Variants in RBBP8 observed in about 807,000 individuals in gnomAD.
The protein encoded by RBBP8 is DNA endonuclease RBBP8.
Under a neutral mutation model 108.3 loss-of-function variants are expected in RBBP8, and 88 were observed. The ratio of observed to expected loss-of-function variants is 0.81; its 90% CI spans 0.68 to 0.97. The LOEUF is 0.97. Ranked by LOEUF, RBBP8 falls within the 50% of genes least tolerant of loss-of-function variation. The probability of loss-of-function intolerance (pLI) is 0.00; values close to 1 mark genes in which losing one functional copy is unlikely to be tolerated. For missense variants in RBBP8, 1,023 were observed against 1,049.0 expected (o/e 0.98, Z 0.34); for synonymous variants, 332 against 348.2 (o/e 0.95, Z 0.52).
chr18:22,996,475 G>A lies in RBBP8; in HGVS notation c.2028+13G>A, dbSNP rs775269955. On this transcript the variant is annotated intron_variant, in intron 13 of 18. Transcript: ENST00000327155. Reference sequence around the variant, plus strand: ...AATAGATACAAAGGTAAGTTAAAAAGTAAAACCAAAACTCATTTGACTTTT... The same window carrying A: ...AATAGATACAAAGGTAAGTTAAAAAATAAAACCAAAACTCATTTGACTTTT... 4 of 1,612,534 alleles carry A rather than the reference G, an allele frequency of 2.5e-6. No individual in the cohort carries two copies. Among genetic ancestry groups the A allele is most frequent in the Non-Finnish European group, 3.4e-6 (4 of 1,179,452 alleles).
At chr18:22,994,465 A>G (rs768171062) in intron 12 of RBBP8, among the ~76,000 whole-genome samples, 1 of 147,332 alleles carries the variant, frequency 6.8e-6, no homozygotes, top group African/African-American at 2.5e-5. Flanking sequence ...ACGTGGTGAA[A>G]CCCCATCTCT....
chr18:22,982,200 A>G lies in RBBP8; in HGVS notation c.429-18A>G. 1 of 1,608,910 alleles carries G rather than the reference A, an allele frequency of 6.2e-7. No homozygotes were observed. The highest frequency in any genetic ancestry group is 1.7e-5 in the Admixed American group (1 of 59,976). On this transcript the variant is annotated intron_variant, in intron 6 of 18. Transcript: ENST00000327155. ...TACTCATTGAATTGATTTTCTTTCCATTGTCATTCTTCTCTAGGAATGATC... is the reference window on the plus strand; with the variant it reads ...TACTCATTGAATTGATTTTCTTTCCGTTGTCATTCTTCTCTAGGAATGATC...
intron 18 of RBBP8, among the ~76,000 whole-genome samples, chr18:23,023,650 A>G (rs146989679): frequency 1.3e-4 from 20 of 152,266 alleles, no homozygotes; most frequent in Middle Eastern, 6.8e-3. Context: ...AGGACTATCA[A>G]TCTGGACATT....
chr18:23,006,105 G>A (rs572250536), intron 15 of RBBP8, among the ~76,000 whole-genome samples: 69 of 151,894 alleles, frequency 4.5e-4, no homozygotes, highest in Admixed American at 1.5e-3. Flanking sequence ...AGGATGGCGT[G>A]AACCCGGGAG....
At chr18:23,017,738 G>GTT (rs2046284903) in intron 17 of RBBP8, among the ~76,000 whole-genome samples, 1 of 130,176 alleles carries the variant, frequency 7.7e-6, no homozygotes, top group African/African-American at 3.2e-5. Context: ...ACCAATATAA[G>GTT]TTCTTTTTTT....
At chr18:22,962,419 G>A (rs1036018637) in intron 4 of RBBP8, among the ~76,000 whole-genome samples, 17 of 151,894 alleles carry the variant, frequency 1.1e-4, no homozygotes, top group Non-Finnish European at 2.1e-4. Flanking sequence ...ACATCTCCTC[G>A]CAAATGTTAA....
chr18:22,921,604 T>A (rs1338588397), intron 3 of RBBP8, among the ~76,000 whole-genome samples: 1 of 152,014 alleles, frequency 6.6e-6, no homozygotes, highest in Admixed American at 6.5e-5. Flanking sequence ...GTTTTATAAT[T>A]CTAATACAAA....
At chr18:23,011,672 C>T (rs2046164630) in intron 16 of RBBP8, among the ~76,000 whole-genome samples, 2 of 152,174 alleles carry the variant, frequency 1.3e-5, no homozygotes, top group African/African-American at 4.8e-5. Flanking sequence ...ATCTCCTGAC[C>T]TCATGATCCG....
At chr18:22,980,728 T>A (rs1914852684) in intron 6 of RBBP8, among the ~76,000 whole-genome samples, 1 of 150,760 alleles carries the variant, frequency 6.6e-6, no homozygotes, top group Non-Finnish European at 1.5e-5. Flanking sequence ...TTTTTTTTTT[T>A]TTTGGAGACA....
rs535932245 is a variant in RBBP8 at position 22,944,742 on chromosome 18, A to C, written c.110-1702A>C. Among the ~76,000 whole-genome samples the C allele has an allele frequency of 7.7e-4, 117 of 152,340 alleles. 1 individual carries two copies. The highest frequency in any genetic ancestry group is 2.8e-3 in the African/African-American group (116 of 41,582). On this transcript the variant is annotated intron_variant, in intron 2 of 18. Coordinates refer to ENST00000327155, the MANE Select transcript of RBBP8 (RefSeq NM_002894.3). ...TTCTAAAGGTGAAATTTGAGACATA[A>C]GGAAAAAATGTAACATCCAAAAAAT...
chr18:22,951,136 G>C (rs891015496), intron 4 of RBBP8, among the ~76,000 whole-genome samples: 1 of 152,188 alleles, frequency 6.6e-6, no homozygotes, highest in Non-Finnish European at 1.5e-5. Context: ...TTGAATTCCA[G>C]CTTCACCCTG....
chr18:22,937,144 C>A, intron 2 of RBBP8, 184 bp downstream of exon 2: 1 of 1,284,350 alleles, frequency 7.8e-7, no homozygotes, highest in Non-Finnish European at 1.0e-6. Flanking sequence ...ATGATTTCAT[C>A]ACCCAGGTAG....
chr18:23,019,506 A>T (rs1440726762), intron 17 of RBBP8, among the ~76,000 whole-genome samples: 1 of 152,204 alleles, frequency 6.6e-6, no homozygotes, highest in Non-Finnish European at 1.5e-5. Flanking sequence ...TGCAATACTC[A>T]TGTGGATCTG....
chr18:23,013,288 T>G (rs1234101036), intron 16 of RBBP8, among the ~76,000 whole-genome samples: 3 of 152,152 alleles, frequency 2.0e-5, no homozygotes, highest in African/African-American at 4.8e-5. Context: ...AAGGATAGTT[T>G]GGCAGAGAGG....
At chr18:22,968,752 C>A in intron 4 of RBBP8, 54 bp from the exon 5 acceptor site, 1 of 1,447,276 alleles carries the variant, frequency 6.9e-7, no homozygotes, top group South Asian at 1.2e-5. Flanking sequence ...TCTTGGAATT[C>A]CAAAGAAGGA....
At position 22,992,762 on chromosome 18, in the gene RBBP8, C is replaced by T. The variant is rs1915783319; in HGVS notation, c.935C>T (p.Thr312Ile). The T allele has an allele frequency of 1.3e-6, 2 of 1,589,034 alleles. No individual in the cohort carries two copies. The highest frequency in any genetic ancestry group is 1.7e-6 in the Non-Finnish European group (2 of 1,157,642). Residue 312 changes from threonine (T) to isoleucine (I), a missense_variant, in exon 11 of 19, where the codon ACT becomes ATT. Thr to Ile is a moderately conservative substitution (Grantham distance 89). Transcript: ENST00000327155. Reference sequence around the variant, plus strand: ...TCTTTATTTAGATTTTCAGATTCTACTTCAAAGACTCCTCCTCAAGAAGAA... The same window carrying T: ...TCTTTATTTAGATTTTCAGATTCTATTTCAAAGACTCCTCCTCAAGAAGAA... ...TEDSLRFSDS[T>I]SKTPPQEELP...
intron 12 of RBBP8, among the ~76,000 whole-genome samples, chr18:22,994,294 A>G (rs986005159): frequency 1.2e-4 from 17 of 141,068 alleles, no homozygotes; most frequent in African/African-American, 4.3e-4. Context: ...AAGTGCTGGG[A>G]TTACAGGCGT....
chr18:22,937,020 T>C lies in RBBP8; in HGVS notation c.109+60T>C, dbSNP rs571527518. On this transcript the variant is annotated intron_variant, in intron 2 of 18. Coordinates refer to ENST00000327155, the MANE Select transcript of RBBP8 (RefSeq NM_002894.3). ...TTGTTGAGACTGTAGTGGCTTTGTA[T>C]ACCTTTGTATGACAGTCCTGTTTAT... 2.4e-4 allele frequency: 389 copies of C among 1,604,442 alleles called. 4 individuals are homozygous for C. The Middle Eastern group carries it at 7.7e-3, about 32-fold the overall frequency.
At chr18:22,928,359 C>T (rs1235285031), upstream of RBBP8, among the ~76,000 whole-genome samples, 2 of 151,966 alleles carry the variant, frequency 1.3e-5, no homozygotes, top group South Asian at 2.1e-4. Context: ...ATGAGGAAGG[C>T]CATTTGTGAA....
Sources: gnomAD v4.1 joint callset for allele counts (sites outside exome capture counted in the v4.1 genomes callset) on GRCh38, gnomAD v4.1.1 for gene constraint, MANE v1.5 for transcripts, NCBI Gene and HGNC (gene_info 2026-07-23, HGNC 2026-07-21) for gene names.